The following NLGN1 variants were observed in gnomAD, a reference collection of about 807,000 sequenced individuals.
NLGN1 encodes the protein neuroligin 1.
NLGN1 carries 12 observed loss-of-function variants against 65.5 expected under a neutral mutation model. The ratio of observed to expected loss-of-function variants is 0.18; its 90% CI spans 0.12 to 0.30. The LOEUF is 0.30. Among genes scored for constraint, NLGN1 ranks in the 10% least tolerant of loss-of-function variants. The pLI is 1.00. For synonymous variants in NLGN1, 350 were observed against 359.5 expected (o/e 0.97, Z 0.30); for missense variants, 750 against 1,007.1 (o/e 0.74, Z 3.46).
At chr3:173,783,175 G>A (rs1007146693) in intron 3 of NLGN1, among the ~76,000 whole-genome samples, 3 of 152,138 alleles carry the variant, frequency 2.0e-5, no homozygotes, top group African/African-American at 7.2e-5. Flanking sequence ...GGAGAAGCAT[G>A]ATTTTTTACT....
intron 4 of NLGN1, among the ~76,000 whole-genome samples, chr3:173,818,198 C>G (rs1389206308): frequency 1.3e-5 from 2 of 152,128 alleles, no homozygotes; most frequent in African/African-American, 2.4e-5. Flanking sequence ...TCAATCCTTC[C>G]TCTCTGGACC....
At chr3:173,428,467 A>G (rs1184177332) in intron 1 of NLGN1, among the ~76,000 whole-genome samples, 3 of 151,936 alleles carry the variant, frequency 2.0e-5, no homozygotes, top group East Asian at 1.9e-4. Flanking sequence ...TATGATTACC[A>G]TAAGGCTTAC....
chr3:173,477,379 G>GA (rs1008925766), intron 2 of NLGN1, among the ~76,000 whole-genome samples: 7 of 151,242 alleles, frequency 4.6e-5, no homozygotes, highest in Non-Finnish European at 5.9e-5. Context: ...TGTCTCTATG[G>GA]AAAAAAAACA....
chr3:174,054,359 C>A (rs1033608496), intron 4 of NLGN1, among the ~76,000 whole-genome samples: 1 of 151,966 alleles, frequency 6.6e-6, no homozygotes, highest in African/African-American at 2.4e-5. Context: ...AAGACCTAGG[C>A]AGTTGTGAGA....
intron 4 of NLGN1, among the ~76,000 whole-genome samples, chr3:173,915,766 T>C (rs951576938): frequency 1.3e-5 from 2 of 151,452 alleles, no homozygotes; most frequent in African/African-American, 2.5e-5. Context: ...TATTCAGACA[T>C]TGAATAGCCT....
intron 4 of NLGN1, among the ~76,000 whole-genome samples, chr3:173,863,166 TA>T (rs1374180183): frequency 1.3e-5 from 2 of 152,130 alleles, no homozygotes; most frequent in Non-Finnish European, 2.9e-5. Context: ...TATTTTATGT[TA>T]AAAATTACCT....
upstream of NLGN1, chr3:173,397,795 CG>C (rs1716886370): frequency 6.6e-6 from 1 of 152,092 alleles, no homozygotes; most frequent in African/African-American, 2.4e-5. Flanking sequence ...CGCGCCCGGG[CG>C]GCCAGCGCCG....
intron 4 of NLGN1, among the ~76,000 whole-genome samples, chr3:173,855,101 T>C (rs1435454713): frequency 6.6e-6 from 1 of 152,120 alleles, no homozygotes; most frequent in Non-Finnish European, 1.5e-5. Context: ...TTAGACGCTT[T>C]AACAGTGTTT....
At chr3:173,409,712 G>A (rs1346074698) in intron 1 of NLGN1, among the ~76,000 whole-genome samples, 3 of 152,066 alleles carry the variant, frequency 2.0e-5, no homozygotes, top group Non-Finnish European at 4.4e-5. Context: ...CCTTCTAAAT[G>A]CAAATATCAG....
chr3:174,062,909 C>T (rs1421663249), intron 4 of NLGN1, among the ~76,000 whole-genome samples: 1 of 151,990 alleles, frequency 6.6e-6, no homozygotes, highest in Non-Finnish European at 1.5e-5. Flanking sequence ...CAGTATAACA[C>T]TGTATTAGAT....
intron 3 of NLGN1, among the ~76,000 whole-genome samples, chr3:173,709,803 C>CAA (rs59998502): frequency 0.11 from 7,282 of 68,860 alleles, 482 homozygotes; most frequent in South Asian, 0.15. Flanking sequence ...AACTCTATCT[C>CAA]AAAAAAAAAA....
intron 1 of NLGN1, among the ~76,000 whole-genome samples, chr3:173,408,423 T>C (rs368912327): frequency 1.3e-5 from 2 of 152,148 alleles, no homozygotes; most frequent in East Asian, 3.9e-4. Context: ...ATTCTTCCGT[T>C]TCTACTAAAT....
chr3:174,243,854 C>G (rs76301193), intron 4 of NLGN1, among the ~76,000 whole-genome samples: 183 of 152,306 alleles, frequency 1.2e-3, no homozygotes, highest in African/African-American at 4.3e-3. Flanking sequence ...GTGCCTCATG[C>G]TACAGAGAAC....
chr3:173,912,698 A>T (rs1739864642), intron 4 of NLGN1: 1 of 152,234 alleles, frequency 6.6e-6, no homozygotes, highest in South Asian at 2.1e-4. Context: ...AATCATTTAA[A>T]ATTTTGATGA....
intron 2 of NLGN1, among the ~76,000 whole-genome samples, chr3:173,459,294 C>A (rs183297668): frequency 1.3e-5 from 2 of 152,074 alleles, no homozygotes; most frequent in East Asian, 1.9e-4. Flanking sequence ...GCTACACCAA[C>A]AATTCTAATT....
chr3:173,445,563 C>T (rs1367577794), intron 2 of NLGN1, among the ~76,000 whole-genome samples: 1 of 152,130 alleles, frequency 6.6e-6, no homozygotes, highest in African/African-American at 2.4e-5. Context: ...TTTGCTCTTC[C>T]CATACAGTGA....
intron 3 of NLGN1, among the ~76,000 whole-genome samples, chr3:173,661,524 T>C (rs1047403518): frequency 3.3e-5 from 5 of 151,970 alleles, no homozygotes; most frequent in Non-Finnish European, 7.4e-5. Context: ...TAAGCGAGAT[T>C]ATAGAGCAGG....
exon 7 of NLGN1, chr3:174,284,367 G>C (rs1228715748): frequency 6.6e-6 from 1 of 151,170 alleles, no homozygotes; most frequent in Admixed American, 6.6e-5. Flanking sequence ...AATAAATACT[G>C]TTACTCAATT....
At chr3:173,690,753 G>A (rs1003883401) in intron 3 of NLGN1, among the ~76,000 whole-genome samples, 1 of 152,098 alleles carries the variant, frequency 6.6e-6, no homozygotes, top group African/African-American at 2.4e-5. Flanking sequence ...AATGCACAAC[G>A]AGGCATAGAT....
Sources: allele counts gnomAD v4.1 joint callset (sites outside exome capture counted in the v4.1 genomes callset), GRCh38; gene constraint gnomAD v4.1.1; transcripts MANE v1.5; gene names NCBI Gene and HGNC (gene_info 2026-07-23, HGNC 2026-07-21).